Variants in PLAUR observed in about 807,000 individuals in gnomAD.
PLAUR encodes the protein plasminogen activator, urokinase receptor.
A neutral mutation model predicts 33.4 loss-of-function variants in PLAUR; 22 were observed. The ratio of observed to expected loss-of-function variants is 0.66; its 90% confidence interval spans 0.47 to 0.94. The LOEUF (loss-of-function observed/expected upper bound fraction) is 0.94, where lower values mean the gene tolerates loss of function less well. Among genes scored for constraint, PLAUR ranks in the 40% least tolerant of loss-of-function variants. The pLI is 0.00. For missense variants in PLAUR, 408 were observed against 434.7 expected, an observed-to-expected ratio of 0.94 and a Z score of 0.55; for synonymous variants, 148 against 167.3, an observed-to-expected ratio of 0.88 and a Z score of 0.89.
rs527852467 is a variant in PLAUR, at chr19:43,668,816, T to A, written c.56-1125A>T. 5.2e-4 allele frequency among the ~76,000 whole-genome samples: 77 copies of A among 149,350 alleles called. No individual in the cohort carries two copies. The Middle Eastern group carries it at 0.014, about 28-fold the overall frequency. On this transcript the variant is annotated intron_variant, in intron 1 of 6. Transcript: ENST00000340093. ...ACGCCTCGAGGTTATAACCCCGCCC[T>A]CTGGCTCCGCCTCGAGGTTCTAGCC...
Position 43,667,627 on chromosome 19 carries a change from G to C in PLAUR, c.120C>G (p.Ala40=). 6.2e-7 allele frequency: 1 copy of C among 1,614,044 alleles called. No homozygotes were observed. Among genetic ancestry groups the C allele is most frequent in the Non-Finnish European group, 8.5e-7 (1 of 1,179,998 alleles). Residue 40 remains alanine (A), a synonymous_variant, in exon 2 of 7, where the codon GCC becomes GCG. Transcript: ENST00000340093. ...TGGTCCTGCAGAGGTCCTGTCCCAG[G>C]GCGCACTCTTCCACACGGCAATCCC... The part of the protein sequence containing the change: ...TNGDCRVEEC[A]LGQDLCRTTI...
chr19:43,668,043 C>T (rs1967338045), intron 1 of PLAUR: 2 of 1,072,230 alleles, frequency 1.9e-6, no homozygotes, highest in South Asian at 5.6e-5. Context: ...GTCTTTCTCA[C>T]CGCACCGGCC....
chr19:43,658,082 T>C (rs980375779), intron 3 of PLAUR, among the ~76,000 whole-genome samples: 1 of 151,590 alleles, frequency 6.6e-6, no homozygotes, highest in Non-Finnish European at 1.5e-5. Context: ...GGATGCCCTA[T>C]GTAGTCAACT....
chr19:43,654,444 C>A (rs1386349998), intron 5 of PLAUR, among the ~76,000 whole-genome samples: 1 of 152,014 alleles, frequency 6.6e-6, no homozygotes, highest in Non-Finnish European at 1.5e-5. Flanking sequence ...GTGACATGAT[C>A]TGATTTACAT....
chr19:43,647,872 A>G (rs994903912), downstream of PLAUR, among the ~76,000 whole-genome samples: 2 of 152,016 alleles, frequency 1.3e-5, no homozygotes, highest in Admixed American at 1.3e-4. Flanking sequence ...TTGACGGTGA[A>G]GGACAGGTTT....
At chr19:43,653,201 G>A (rs1190598731) in intron 5 of PLAUR, among the ~76,000 whole-genome samples, 1 of 152,144 alleles carries the variant, frequency 6.6e-6, no homozygotes, top group Non-Finnish European at 1.5e-5. Context: ...ATATTAAATC[G>A]AATCTTAAAA....
chr19:43,658,503 G>A (rs144161297), intron 3 of PLAUR, among the ~76,000 whole-genome samples: 3 of 152,276 alleles, frequency 2.0e-5, no homozygotes, highest in Non-Finnish European at 2.9e-5. Context: ...CTACCTAATT[G>A]TCCCAGGGAT....
chr19:43,664,569 C>G (rs1051115607), intron 3 of PLAUR, among the ~76,000 whole-genome samples: 1 of 152,254 alleles, frequency 6.6e-6, no homozygotes, highest in East Asian at 1.9e-4. Flanking sequence ...CTTGGTCTCC[C>G]AAAGTGCTTG....
chr19:43,656,816 A>C, intron 3 of PLAUR, 176 bp from the exon 4 acceptor site: 1 of 565,332 alleles, frequency 1.8e-6, no homozygotes, highest in Non-Finnish European at 3.1e-6. Flanking sequence ...TTCCAGCCCC[A>C]TGGACCAGTC....
At chr19:43,655,299 AGG>A in intron 5 of PLAUR, 138 bp downstream of exon 5, 2 of 641,654 alleles carry the variant, frequency 3.1e-6, no homozygotes, top group South Asian at 2.2e-5. Context: ...AAAAAAAAAA[AGG>A]CCTGATACTC....
intron 5 of PLAUR, among the ~76,000 whole-genome samples, chr19:43,654,892 T>C (rs1264729402): frequency 6.7e-6 from 1 of 149,228 alleles, no homozygotes; most frequent in African/African-American, 2.5e-5. Flanking sequence ...AGGGGAGGAG[T>C]GGGAAAATTT....
chr19:43,648,851 C>T lies in PLAUR; in HGVS notation c.*39G>A, dbSNP rs4251923. On this transcript the variant is annotated 3_prime_UTR_variant, in exon 7 of 7. Transcript: ENST00000340093. ...GGAGCCGAGGGAAGGGCAAAGGGGTCCCCCGGATCCAGCCAGGGCAGAGAG... is the reference window on the plus strand; with the variant it reads ...GGAGCCGAGGGAAGGGCAAAGGGGTTCCCCGGATCCAGCCAGGGCAGAGAG... The T allele has an allele frequency of 0.055, 87,509 of 1,587,112 alleles. 4,595 individuals carry two copies. Among genetic ancestry groups the T allele is most frequent in the African/African-American group, 0.25 (18,801 of 74,522 alleles).
At chr19:43,659,496 T>C (rs1974353489) in intron 3 of PLAUR, among the ~76,000 whole-genome samples, 1 of 152,140 alleles carries the variant, frequency 6.6e-6, no homozygotes, top group South Asian at 2.1e-4. Context: ...GTATAGACTC[T>C]CTCATGGGGT....
At chr19:43,659,927 A>G (rs1974375334) in intron 3 of PLAUR, among the ~76,000 whole-genome samples, 1 of 152,138 alleles carries the variant, frequency 6.6e-6, no homozygotes, top group African/African-American at 2.4e-5. Flanking sequence ...GCTAAAACAT[A>G]TCCTTTCTTC....
chr19:43,653,992 T>C (rs1974102551), intron 5 of PLAUR, among the ~76,000 whole-genome samples: 1 of 151,596 alleles, frequency 6.6e-6, no homozygotes, highest in Admixed American at 6.6e-5. Flanking sequence ...GGCATGGTGG[T>C]GGGTGCCTGT....
chr19:43,655,605 C>T (rs1249923695), intron 4 of PLAUR, 32 bp from the exon 5 acceptor site: 1 of 1,599,862 alleles, frequency 6.3e-7, no homozygotes, highest in Non-Finnish European at 8.5e-7. Context: ...GGTCAGATGT[C>T]AGATTGTGAA....
rs540790240 is a variant in PLAUR at position 43,648,696 on chromosome 19, C to T, written c.*194G>A. The T allele has an allele frequency of 1.4e-4, 107 of 790,242 alleles. No homozygotes were observed. In the Admixed American group the frequency reaches 1.4e-3, roughly 10 times the overall value. 49.0% of individuals were successfully genotyped at this position (790,242 alleles called of 1,614,324 possible). On this transcript the variant is annotated 3_prime_UTR_variant, in exon 7 of 7. Coordinates refer to ENST00000340093, the MANE Select transcript of PLAUR (RefSeq NM_002659.4). ...TAACAAGAGCTCTCCCATTGGCCCA[C>T]GGCCTTCCTCCAGCTTTTCTCTTCT...
intron 2 of PLAUR, 132 bp downstream of exon 2, chr19:43,667,449 G>T: frequency 3.1e-6 from 2 of 655,660 alleles, no homozygotes; most frequent in South Asian, 3.5e-5. Flanking sequence ...TGCCAATCTG[G>T]TGGGTGTGAA....
intron 2 of PLAUR, 37 bp downstream of exon 2, chr19:43,667,543 CT>C: frequency 7.2e-7 from 1 of 1,397,982 alleles, no homozygotes; most frequent in Non-Finnish European, 1.0e-6. Flanking sequence ...GCGTTCCATG[CT>C]GCGCTGGAGG....
Sources: gnomAD v4.1 joint callset for allele counts (sites outside exome capture counted in the v4.1 genomes callset) on GRCh38, gnomAD v4.1.1 for gene constraint, MANE v1.5 for transcripts, NCBI Gene and HGNC (gene_info 2026-07-23, HGNC 2026-07-21) for gene names.